The following FER variants were observed in gnomAD, a reference collection of about 807,000 sequenced individuals.
The protein encoded by FER is FER tyrosine kinase.
In FER, 63 loss-of-function variants were observed where a neutral mutation model predicts 111.0. That is an observed-to-expected ratio of 0.57 (90% CI 0.46 to 0.70). The LOEUF is 0.70. FER is among the 30% of genes least tolerant of loss of function. The pLI is 0.00. For synonymous variants in FER, 327 were observed against 313.9 expected, an observed-to-expected ratio of 1.04 and a Z score of -0.44; for missense variants, 914 against 954.0, an observed-to-expected ratio of 0.96 and a Z score of 0.55.
chr5:108,893,094 G>T (rs1415607219), intron 9 of FER, among the ~76,000 whole-genome samples: 1 of 152,132 alleles, frequency 6.6e-6, no homozygotes, highest in East Asian at 1.9e-4. Context: ...TTTGAAGTCA[G>T]GTATCGTGAT....
At chr5:108,847,213 G>A (rs1046153623) in intron 5 of FER, among the ~76,000 whole-genome samples, 5 of 149,966 alleles carry the variant, frequency 3.3e-5, no homozygotes, top group Non-Finnish European at 5.9e-5. Flanking sequence ...TTTTTATTCC[G>A]GTCAAAATGC....
chr5:109,107,057 G>A (rs1749021678), intron 17 of FER, among the ~76,000 whole-genome samples: 2 of 152,124 alleles, frequency 1.3e-5, no homozygotes, highest in Admixed American at 6.6e-5. Context: ...AAGGAATGAA[G>A]GGAATAGTAG....
chr5:109,030,763 G>T (rs963847525), intron 13 of FER, among the ~76,000 whole-genome samples: 1 of 152,128 alleles, frequency 6.6e-6, no homozygotes, highest in Non-Finnish European at 1.5e-5. Context: ...TCTTTCTCCC[G>T]TTAGGCACAC....
intron 16 of FER, among the ~76,000 whole-genome samples, chr5:109,050,861 C>A (rs1772694733): frequency 6.6e-6 from 1 of 152,160 alleles, no homozygotes; most frequent in Admixed American, 6.5e-5. Context: ...GGACAATCCT[C>A]TGTCTTTTTC....
Position 108,959,363 on chromosome 5 carries a change from CTTT to C in FER, c.1656+20_1656+22del. 6.4e-7 allele frequency: 1 copy of C among 1,570,536 alleles called. No individual in the cohort carries two copies. The highest frequency in any genetic ancestry group is 8.6e-7 in the Non-Finnish European group (1 of 1,162,832). On this transcript the variant is annotated intron_variant, in intron 13 of 19. Transcript: ENST00000281092. Reference sequence around the variant, plus strand: ...TATTCCTAAGGTAGGTGCTTATATACTTTTTTGTCTGTTTGTTTTAAAAGAATT... The same window carrying C: ...TATTCCTAAGGTAGGTGCTTATATACTTTGTCTGTTTGTTTTAAAAGAATT...
At chr5:108,811,617 A>C (rs186081767) in intron 3 of FER, among the ~76,000 whole-genome samples, 71 of 152,250 alleles carry the variant, frequency 4.7e-4, no homozygotes, top group African/African-American at 1.6e-3. Context: ...CCAGAGAAAC[A>C]GAACCAATAG....
intron 5 of FER, among the ~76,000 whole-genome samples, chr5:108,836,401 C>G (rs1418116930): frequency 3.3e-5 from 5 of 152,042 alleles, no homozygotes; most frequent in Non-Finnish European, 5.9e-5. Flanking sequence ...TCAGTAAAGA[C>G]TAAGCATAGT....
intron 16 of FER, among the ~76,000 whole-genome samples, chr5:109,082,921 A>G (rs901032314): frequency 2.0e-5 from 3 of 151,898 alleles, no homozygotes; most frequent in Non-Finnish European, 4.4e-5. Context: ...CCCCCTTTAC[A>G]CTTTTCTATT....
chr5:108,803,839 A>G (rs1370195004), intron 3 of FER, among the ~76,000 whole-genome samples: 1 of 152,092 alleles, frequency 6.6e-6, no homozygotes, highest in Non-Finnish European at 1.5e-5. Context: ...TTGCATATGA[A>G]TTTTATTATA....
intron 10 of FER, among the ~76,000 whole-genome samples, chr5:108,940,894 G>T (rs1050636181): frequency 6.6e-6 from 1 of 152,038 alleles, no homozygotes; most frequent in African/African-American, 2.4e-5. Context: ...GAATATAAGA[G>T]CCCCTTCCCA....
chr5:109,043,196 TA>T (rs1771433384), intron 14 of FER, among the ~76,000 whole-genome samples: 1 of 152,152 alleles, frequency 6.6e-6, no homozygotes. Flanking sequence ...AATAAAACAG[TA>T]AGTTTTAGAC....
intron 3 of FER, among the ~76,000 whole-genome samples, chr5:108,824,891 A>G (rs1759287625): frequency 6.6e-6 from 1 of 152,094 alleles, no homozygotes; most frequent in Non-Finnish European, 1.5e-5. Flanking sequence ...AAAAGAGATA[A>G]ATTTTAAAGT....
At chr5:109,174,360 T>C (rs1757461630) in intron 17 of FER, among the ~76,000 whole-genome samples, 1 of 152,222 alleles carries the variant, frequency 6.6e-6, no homozygotes, top group Non-Finnish European at 1.5e-5. Flanking sequence ...TAGCCATTTA[T>C]TTTTTGGTCA....
At position 108,870,958 on chromosome 5, in the gene FER, G is replaced by A. The variant is rs117300990; in HGVS notation, c.666-407G>A. Among the ~76,000 whole-genome samples, 21 of 152,178 alleles carry A rather than the reference G, an allele frequency of 1.4e-4. No homozygotes were observed. In the East Asian group the frequency reaches 4.0e-3, roughly 29 times the overall value. On this transcript the variant is annotated intron_variant, in intron 6 of 19. Transcript: ENST00000281092. ...AGAGGAGCAGGGAAGAACCAGTCAG[G>A]TAGAGCATGTGAGGAAGTAACAGAC...
intron 17 of FER, among the ~76,000 whole-genome samples, chr5:109,130,743 A>G (rs1752268030): frequency 6.6e-6 from 1 of 152,112 alleles, no homozygotes; most frequent in Non-Finnish European, 1.5e-5. Context: ...CAGTTGGACT[A>G]GCTATGTTTC....
At chr5:109,002,036 G>T (rs1251933304) in intron 13 of FER, among the ~76,000 whole-genome samples, 1 of 151,670 alleles carries the variant, frequency 6.6e-6, no homozygotes, top group Non-Finnish European at 1.5e-5. Flanking sequence ...TCGTGAAAAT[G>T]GCCATACTGC....
At position 109,195,918 on chromosome 5, in the gene FER, T is replaced by A. The variant is rs1303893758; in HGVS notation, c.*8343T>A. 1 of 152,292 alleles carries A rather than the reference T, an allele frequency of 6.6e-6. No individual in the cohort carries two copies. Among genetic ancestry groups the A allele is most frequent in the African/African-American group, 2.4e-5 (1 of 41,466 alleles). The allele number at this position is 152,292 out of a possible 1,614,324, so 9.4% of individuals were successfully genotyped here. On this transcript the variant is annotated 3_prime_UTR_variant, in exon 20 of 20. Transcript: ENST00000281092. ...TGGGGGTTGGTGGTGGTGCAAATTC[T>A]GCTGGCTTTATGTTATGGTTTTCTT...
chr5:109,150,628 A>C (rs1754731055), intron 17 of FER, among the ~76,000 whole-genome samples: 2 of 152,208 alleles, frequency 1.3e-5, no homozygotes, highest in African/African-American at 4.8e-5. Flanking sequence ...AGCTCTTATA[A>C]GAGGAAATAA....
At chr5:109,172,693 AT>A (rs1757273066) in intron 17 of FER, among the ~76,000 whole-genome samples, 2 of 152,170 alleles carry the variant, frequency 1.3e-5, no homozygotes, top group Non-Finnish European at 2.9e-5. Context: ...AGATTAAAAC[AT>A]TTACTTAAAT....
Sources: allele counts gnomAD v4.1 joint callset (sites outside exome capture counted in the v4.1 genomes callset), GRCh38; gene constraint gnomAD v4.1.1; transcripts MANE v1.5; gene names NCBI Gene and HGNC (gene_info 2026-07-23, HGNC 2026-07-21).